NRG2: variants seen among roughly 807,000 people sequenced by gnomAD.
NRG2 encodes the protein neuregulin 2.
A neutral mutation model predicts 73.9 loss-of-function variants in NRG2; 27 were observed. That is an observed-to-expected ratio of 0.37 (90% CI 0.27 to 0.50). The LOEUF (loss-of-function observed/expected upper bound fraction) is 0.50. Among genes scored for constraint, NRG2 ranks in the 20% least tolerant of loss-of-function variants. The pLI is 0.96. For missense variants in NRG2, 1,126 were observed against 1,210.1 expected (o/e 0.93, Z 1.03); for synonymous variants, 532 against 541.0 (o/e 0.98, Z 0.23).
chr5:139,967,436 G>T (rs984805611), intron 1 of NRG2, among the ~76,000 whole-genome samples: 2 of 152,172 alleles, frequency 1.3e-5, no homozygotes, highest in African/African-American at 4.8e-5. Context: ...GCCCAACAAA[G>T]GCCACAGGTG....
chr5:139,848,564 G>C lies in NRG2; in HGVS notation c.1906C>G (p.Pro636Ala). The C allele has an allele frequency of 6.5e-7, 1 of 1,548,770 alleles. No individual in the cohort carries two copies. The highest frequency in any genetic ancestry group is 1.2e-5 in the South Asian group (1 of 85,488). ...AHAVSLPPAAPISYRLAEQQP... is the reference protein window; with the variant it reads ...AHAVSLPPAAAISYRLAEQQP... ...TGCTCGGCCAGGCGGTAACTGATGG[G>C]CGCCGCCGGCGGCAGCGACACGGCG... is the stretch of plus-strand genomic sequence containing the variant. The change falls in exon 10 of 10, where the codon CCC becomes GCC. Residue 636 changes from proline (P) to alanine (A), a missense_variant. Coordinates refer to ENST00000361474, the MANE Select transcript of NRG2 (RefSeq NM_004883.3).
In NRG2 at chr5:139,856,921, C is replaced by G. The variant is rs892852026; in HGVS notation, c.1190-1143G>C. On this transcript the variant is annotated intron_variant, in intron 5 of 9. Coordinates refer to ENST00000361474, the MANE Select transcript of NRG2 (RefSeq NM_004883.3). The surrounding 1 kb of genome is among the most constrained non-coding windows in gnomAD (Gnocchi z 4.2). ...AGTTGTAAACAACCAGACCTCCACC[C>G]TAGGTCCCCATCTCTTGGCTCTGTG... Among the ~76,000 whole-genome samples the G allele has an allele frequency of 6.6e-6, 1 of 152,188 alleles. No individual in the cohort carries two copies. The highest frequency in any genetic ancestry group is 6.5e-5 in the Admixed American group (1 of 15,284).
chr5:139,885,013 G>C (rs948493450), intron 2 of NRG2, among the ~76,000 whole-genome samples: 42 of 152,076 alleles, frequency 2.8e-4, no homozygotes, highest in Non-Finnish European at 2.6e-4. Flanking sequence ...ATGAGGGAGA[G>C]AAAGGACTAC....
chr5:140,016,790 G>A (rs265141), intron 1 of NRG2, among the ~76,000 whole-genome samples: 34,202 of 152,166 alleles, frequency 0.22, 4,020 homozygotes, highest in African/African-American at 0.28. Flanking sequence ...AGAGCATCTC[G>A]GAGAGAGGGG....
At chr5:139,978,567 C>T (rs1483155303) in intron 1 of NRG2, among the ~76,000 whole-genome samples, 1 of 152,134 alleles carries the variant, frequency 6.6e-6, no homozygotes, top group Non-Finnish European at 1.5e-5. Context: ...ACTAGAAATA[C>T]CATTTGACCC....
chr5:140,010,947 C>T (rs925772135), intron 1 of NRG2, among the ~76,000 whole-genome samples: 1 of 152,242 alleles, frequency 6.6e-6, no homozygotes, highest in South Asian at 2.1e-4. Context: ...TTGGTGCAGG[C>T]CCTGGTCATC....
intron 1 of NRG2, among the ~76,000 whole-genome samples, chr5:140,034,933 C>T (rs1318541850): frequency 6.6e-6 from 1 of 152,076 alleles, no homozygotes; most frequent in Non-Finnish European, 1.5e-5. Context: ...ATTAAAATAT[C>T]ACCCTAGGCT....
At chr5:139,885,990 TG>T (rs1763835719) in intron 2 of NRG2, among the ~76,000 whole-genome samples, 1 of 151,888 alleles carries the variant, frequency 6.6e-6, no homozygotes. Flanking sequence ...TGAGAAGGGG[TG>T]GGGTGGTCTC....
At position 139,904,007 on chromosome 5, in the gene NRG2, G is replaced by C. The variant is rs935256333; in HGVS notation, c.701-16496C>G. 6.6e-6 allele frequency among the ~76,000 whole-genome samples: 1 copy of C among 152,224 alleles called. No individual in the cohort carries two copies. The highest frequency in any genetic ancestry group is 2.4e-5 in the African/African-American group (1 of 41,470). ...GGTATCCGCGGCTCCATCCCCGCTC[G>C]CTCAGGGCTGCTCGCCTGCAGGCCG... is the stretch of plus-strand genomic sequence containing the variant. On this transcript the variant is annotated intron_variant, in intron 1 of 9. Transcript: ENST00000361474. This position sits in a 1 kb window ranked among gnomAD's most constrained non-coding sequence, Gnocchi z 6.0.
intron 3 of NRG2, 60 bp downstream of exon 3, chr5:139,880,796 G>A (rs1763481564): frequency 1.5e-6 from 2 of 1,327,506 alleles, no homozygotes; most frequent in South Asian, 1.3e-5. Context: ...GGGCTGGGGG[G>A]CCACTGGCCC....
At chr5:139,896,902 G>T (rs1167641071) in intron 1 of NRG2, among the ~76,000 whole-genome samples, 1 of 152,162 alleles carries the variant, frequency 6.6e-6, no homozygotes, top group Non-Finnish European at 1.5e-5. Flanking sequence ...GTAGAGAAAG[G>T]CCGCCCACCT....
At chr5:139,898,268 C>A (rs1581895469) in intron 1 of NRG2, among the ~76,000 whole-genome samples, 1 of 152,218 alleles carries the variant, frequency 6.6e-6, no homozygotes. Flanking sequence ...CCGGAAGGAA[C>A]CACGAGGTAC....
intron 1 of NRG2, among the ~76,000 whole-genome samples, chr5:140,024,190 C>A (rs1470307911): frequency 1.3e-5 from 2 of 152,100 alleles, no homozygotes. Flanking sequence ...GAGAGATGCC[C>A]AAAGTCATAG....
At chr5:139,921,779 TG>T (rs1751682543) in intron 1 of NRG2, among the ~76,000 whole-genome samples, 1 of 152,158 alleles carries the variant, frequency 6.6e-6, no homozygotes, top group Non-Finnish European at 1.5e-5. Context: ...ATTAAAAACT[TG>T]GCCAGGCGTG....
chr5:139,855,656 C>G lies in NRG2; in HGVS notation c.1292+20G>C, dbSNP rs989710721. On this transcript the variant is annotated intron_variant, in intron 6 of 9. Transcript: ENST00000361474. ...ATCCCTTGGCTTGGCCTGTCCCCAG[C>G]TTGAGTGACTGACACTCACTTGGTC... The G allele has an allele frequency of 1.9e-6, 3 of 1,601,286 alleles. No homozygotes were observed. In the African/African-American group the frequency reaches 4.0e-5, roughly 21 times the overall value.
chr5:140,017,599 G>T (rs1314211698), intron 1 of NRG2, among the ~76,000 whole-genome samples: 1 of 152,134 alleles, frequency 6.6e-6, no homozygotes, highest in East Asian at 1.9e-4. Context: ...GAAATAATAT[G>T]GGCAATGAAA....
In NRG2 at chr5:139,887,487, A is replaced by G; in HGVS notation, c.725T>C (p.Met242Thr). 6.2e-7 allele frequency: 1 copy of G among 1,614,036 alleles called. No individual in the cohort carries two copies. The highest frequency in any genetic ancestry group is 8.5e-7 in the Non-Finnish European group (1 of 1,180,016). Reference sequence around the variant, plus strand: ...ACCCACCTGTCCCGTCTGGCTCTTCATCTTCTTCAACTTGGGCCGGGTGGC... The same window carrying G: ...ACCCACCTGTCCCGTCTGGCTCTTCGTCTTCTTCAACTTGGGCCGGGTGGC... ...DCATRPKLKK[M>T]KSQTGQVGEK... The change falls in exon 2 of 10, where the codon ATG (methionine) becomes ACG (threonine). Residue 242 changes from methionine to threonine, a missense_variant. Around this residue, in one of 3 missense-constraint regions of NRG2, gnomAD observed 539 missense variants for 703.2 expected, o/e 0.77. Transcript: ENST00000361474. This position sits in a 1 kb window ranked among gnomAD's most constrained non-coding sequence, Gnocchi z 4.5.
intron 1 of NRG2, among the ~76,000 whole-genome samples, chr5:140,034,547 CT>C (rs1195241239): frequency 3.9e-5 from 6 of 151,996 alleles, no homozygotes; most frequent in Non-Finnish European, 8.8e-5. Context: ...ATATAAATGT[CT>C]TTTTTTCATT....
At chr5:139,924,246 C>T (rs1751885798) in intron 1 of NRG2, among the ~76,000 whole-genome samples, 1 of 152,224 alleles carries the variant, frequency 6.6e-6, no homozygotes, top group African/African-American at 2.4e-5. Context: ...ATTGCCATCT[C>T]TTTTGGTCAG....
Sources: allele counts gnomAD v4.1 joint callset (sites outside exome capture counted in the v4.1 genomes callset), GRCh38; gene constraint gnomAD v4.1.1; regional missense constraint gnomAD v4.1.1; non-coding constraint Gnocchi (gnomAD v3.1); transcripts MANE v1.5; gene names NCBI Gene and HGNC (gene_info 2026-07-23, HGNC 2026-07-21).